EFCAB13: variants seen among roughly 807,000 people sequenced by gnomAD.
The protein encoded by EFCAB13 is EF-hand calcium-binding domain-containing protein 13.
In EFCAB13, 91 loss-of-function variants were observed where a neutral mutation model predicts 110.2. The observed-to-expected ratio is 0.83, with a 90% CI of 0.70 to 0.98. The LOEUF is 0.98. Ranked by LOEUF, EFCAB13 falls within the 50% of genes least tolerant of loss-of-function variation. The pLI is 0.00. For synonymous variants in EFCAB13, 323 were observed against 369.9 expected (o/e 0.87, Z 1.45); for missense variants, 968 against 1,119.4 (o/e 0.86, Z 1.93).
chr17:47,389,849 T>C (rs929866390), intron 14 of EFCAB13, among the ~76,000 whole-genome samples: 3 of 152,288 alleles, frequency 2.0e-5, no homozygotes, highest in East Asian at 3.9e-4. Context: ...TTGCTGTTTC[T>C]ACCTGTAAAA....
intron 6 of EFCAB13, 25 bp from the exon 7 acceptor site, chr17:47,344,137 C>G: frequency 1.2e-6 from 2 of 1,607,152 alleles, no homozygotes; most frequent in South Asian, 2.2e-5. Flanking sequence ...ACCTCAGGCA[C>G]CAACATACTT....
At chr17:47,389,989 A>G (rs149091996) in intron 14 of EFCAB13, among the ~76,000 whole-genome samples, 2 of 152,274 alleles carry the variant, frequency 1.3e-5, no homozygotes, top group Non-Finnish European at 2.9e-5. Flanking sequence ...CTTTTAAATA[A>G]TCATTTTAAG....
chr17:47,409,128 T>A (rs534527500), intron 20 of EFCAB13, among the ~76,000 whole-genome samples: 1 of 152,310 alleles, frequency 6.6e-6, no homozygotes, highest in Non-Finnish European at 1.5e-5. Flanking sequence ...TGGACAGATT[T>A]TATTTCTATC....
At chr17:47,370,598 G>A in intron 11 of EFCAB13, 90 bp downstream of exon 11, 4 of 874,486 alleles carry the variant, frequency 4.6e-6, no homozygotes, top group Non-Finnish European at 6.9e-6. Context: ...TTTATAAAGG[G>A]TTTTGAAAAC....
At chr17:47,421,031 G>GC (rs1428784616) in intron 23 of EFCAB13, among the ~76,000 whole-genome samples, 1 of 148,974 alleles carries the variant, frequency 6.7e-6, no homozygotes, top group Non-Finnish European at 1.5e-5. Context: ...GGGGGGGTCA[G>GC]CCCCCCGCCC....
intron 14 of EFCAB13, among the ~76,000 whole-genome samples, chr17:47,385,006 T>C (rs11871288): frequency 0.087 from 13,261 of 152,126 alleles, 830 homozygotes; most frequent in East Asian, 0.35. Flanking sequence ...CTCCTGACCT[T>C]GTGATCCGCC....
chr17:47,341,061 T>C (rs2065381687), intron 5 of EFCAB13, among the ~76,000 whole-genome samples: 2 of 152,138 alleles, frequency 1.3e-5, no homozygotes, highest in Non-Finnish European at 2.9e-5. Flanking sequence ...AATGTTAATA[T>C]GTTCAAGCCT....
At chr17:47,331,216 T>A (rs961931344) in intron 4 of EFCAB13, among the ~76,000 whole-genome samples, 1 of 152,172 alleles carries the variant, frequency 6.6e-6, no homozygotes, top group Non-Finnish European at 1.5e-5. Flanking sequence ...TCTCATTCTG[T>A]TGGTTGTCTG....
At chr17:47,390,450 C>T (rs938870446) in intron 14 of EFCAB13, among the ~76,000 whole-genome samples, 3 of 152,160 alleles carry the variant, frequency 2.0e-5, no homozygotes, top group African/African-American at 7.2e-5. Context: ...TCCAGTTAGC[C>T]AACCTTCTTA....
intron 24 of EFCAB13, among the ~76,000 whole-genome samples, chr17:47,437,588 C>T (rs956640695): frequency 7.2e-5 from 11 of 152,142 alleles, no homozygotes; most frequent in African/African-American, 2.2e-4. Flanking sequence ...CCCCTGCTCA[C>T]TTTTGGTGTC....
chr17:47,408,197 G>A (rs916768826), intron 20 of EFCAB13, among the ~76,000 whole-genome samples: 2 of 152,122 alleles, frequency 1.3e-5, no homozygotes, highest in Admixed American at 6.5e-5. Flanking sequence ...AAAAATTAAT[G>A]TTTATTTCTA....
intron 12 of EFCAB13, among the ~76,000 whole-genome samples, chr17:47,377,429 C>T (rs989033369): frequency 6.6e-6 from 1 of 152,036 alleles, no homozygotes; most frequent in African/African-American, 2.4e-5. Flanking sequence ...CCCGAAGTGC[C>T]GTGATTATAG....
In EFCAB13 at chr17:47,395,983, T is replaced by A. The variant is rs1435940432; in HGVS notation, c.1945+6T>A. 1.3e-6 allele frequency: 2 copies of A among 1,583,362 alleles called. No individual in the cohort carries two copies. Among genetic ancestry groups the A allele is most frequent in the Non-Finnish European group, 1.7e-6 (2 of 1,164,596 alleles). ...GGAACTAGTGACAGTTGATGGTGAG[T>A]GTTACAAATACTAAAATTAAAAAGT... On this transcript the variant is annotated splice_donor_region_variant and intron_variant, in intron 17 of 24. Transcript: ENST00000331493.
At chr17:47,351,155 A>C (rs770400880) in intron 9 of EFCAB13, among the ~76,000 whole-genome samples, 2 of 152,152 alleles carry the variant, frequency 1.3e-5, no homozygotes, top group Non-Finnish European at 2.9e-5. Flanking sequence ...GCTCCTACCT[A>C]TAAATGGCTT....
intron 7 of EFCAB13, among the ~76,000 whole-genome samples, chr17:47,344,775 G>A (rs2065405905): frequency 6.6e-6 from 1 of 152,076 alleles, no homozygotes; most frequent in African/African-American, 2.4e-5. Context: ...GACCACAGTC[G>A]AAGGATAGTA....
At chr17:47,439,646 G>C (rs1397109855) in intron 24 of EFCAB13, among the ~76,000 whole-genome samples, 2 of 151,978 alleles carry the variant, frequency 1.3e-5, no homozygotes, top group Non-Finnish European at 2.9e-5. Context: ...ATGGATTTTT[G>C]GAGACCACGT....
Position 47,429,748 on chromosome 17 carries a change from T to C in EFCAB13, c.2495-70T>C, listed in dbSNP as rs576966354. The C allele has an allele frequency of 4.1e-4, 608 of 1,474,606 alleles. 5 individuals carry two copies. In the South Asian group the frequency reaches 7.3e-3, roughly 18 times the overall value. 91.3% of individuals were successfully genotyped at this position (1,474,606 alleles called of 1,614,324 possible). A position where few individuals can be genotyped will look rare whatever the true frequency, so the allele number is the denominator to read the frequency against. Reference sequence around the variant, plus strand: ...TCATATTTTATGCAACCTGAGGCTATTAAGTGATAACTAATAACATATGCT... The same window carrying C: ...TCATATTTTATGCAACCTGAGGCTACTAAGTGATAACTAATAACATATGCT... On this transcript the variant is annotated intron_variant, in intron 23 of 24. Transcript: ENST00000331493.
chr17:47,439,098 A>G (rs1212908338), intron 24 of EFCAB13, among the ~76,000 whole-genome samples: 1 of 150,006 alleles, frequency 6.7e-6, no homozygotes, highest in Non-Finnish European at 1.5e-5. Flanking sequence ...GATATTATCC[A>G]TGTTCTGTAT....
intron 14 of EFCAB13, among the ~76,000 whole-genome samples, chr17:47,380,447 A>T (rs1199129965): frequency 5.3e-5 from 8 of 152,166 alleles, no homozygotes; most frequent in African/African-American, 1.9e-4. Context: ...TCCATGGTGT[A>T]TATGTGCCAC....
Sources: allele counts gnomAD v4.1 joint callset (sites outside exome capture counted in the v4.1 genomes callset), GRCh38; gene constraint gnomAD v4.1.1; transcripts MANE v1.5; gene names NCBI Gene and HGNC (gene_info 2026-07-23, HGNC 2026-07-21).